NOS1AP: variants seen among roughly 807,000 people sequenced by gnomAD.
NOS1AP encodes carboxyl-terminal PDZ ligand of neuronal nitric oxide synthase protein.
Under a neutral mutation model 56.2 loss-of-function variants are expected in NOS1AP, and 21 were observed. The observed-to-expected ratio is 0.37, with a 90% CI of 0.26 to 0.54. The LOEUF is 0.54. Among genes scored for constraint, NOS1AP ranks in the 20% least tolerant of loss-of-function variants. The pLI is 0.84. For missense variants in NOS1AP, 522 were observed against 657.8 expected (o/e 0.79, Z 2.26); for synonymous variants, 270 against 274.6 (o/e 0.98, Z 0.17).
intron 4 of NOS1AP, among the ~76,000 whole-genome samples, chr1:162,301,055 C>G (rs1655636006): frequency 6.6e-6 from 1 of 152,224 alleles, no homozygotes; most frequent in African/African-American, 2.4e-5. Context: ...ATTCCATCAC[C>G]CTATGCTAAC....
At chr1:162,308,188 T>G (rs967421456) in intron 4 of NOS1AP, among the ~76,000 whole-genome samples, 2 of 152,208 alleles carry the variant, frequency 1.3e-5, no homozygotes, top group Non-Finnish European at 2.9e-5. Context: ...GTAGAAGATA[T>G]GATTACAGCT....
chr1:162,081,141 C>G (rs1558090168), intron 1 of NOS1AP, among the ~76,000 whole-genome samples: 1 of 152,162 alleles, frequency 6.6e-6, no homozygotes, highest in South Asian at 2.1e-4. Context: ...CATGTATTAA[C>G]TAATTTAATC....
chr1:162,298,619 A>C (rs1030708963), intron 3 of NOS1AP, among the ~76,000 whole-genome samples: 1 of 152,268 alleles, frequency 6.6e-6, no homozygotes, highest in Non-Finnish European at 1.5e-5. Flanking sequence ...CTAGAGTCTT[A>C]CAATACTCAA....
rs569867937 is a variant in NOS1AP at position 162,188,073 on chromosome 1, A to G, written c.177+33597A>G. Among the ~76,000 whole-genome samples, 20 of 152,346 alleles carry G rather than the reference A, an allele frequency of 1.3e-4. No homozygotes were observed. In the South Asian group the frequency reaches 4.1e-3, roughly 32 times the overall value. ...GGAAAACTAGCAGCAGCCCAAAGCC[A>G]AAACCAGTTTAATTACCCATTGACT... On this transcript the variant is annotated intron_variant, in intron 2 of 9. Coordinates refer to ENST00000361897, the MANE Select transcript of NOS1AP (RefSeq NM_014697.3). The surrounding 1 kb of genome is among the most constrained non-coding windows in gnomAD (Gnocchi z 4.0).
intron 2 of NOS1AP, among the ~76,000 whole-genome samples, chr1:162,189,280 T>A (rs1651543615): frequency 6.6e-6 from 1 of 152,192 alleles, no homozygotes; most frequent in Non-Finnish European, 1.5e-5. Context: ...CCAAAATGTG[T>A]TCCTGTCTAG....
intron 2 of NOS1AP, among the ~76,000 whole-genome samples, chr1:162,223,781 C>G (rs1652857780): frequency 6.6e-6 from 1 of 152,010 alleles, no homozygotes. Context: ...TACCTGCTAC[C>G]CATAATGGCA....
chr1:162,087,943 T>C (rs1009190684), intron 1 of NOS1AP, among the ~76,000 whole-genome samples: 1 of 152,222 alleles, frequency 6.6e-6, no homozygotes, highest in Non-Finnish European at 1.5e-5. Flanking sequence ...ATTTGTCTTA[T>C]GTTCTCAAAT....
At chr1:162,203,920 C>T (rs939960846) in intron 2 of NOS1AP, among the ~76,000 whole-genome samples, 3 of 152,180 alleles carry the variant, frequency 2.0e-5, no homozygotes, top group Admixed American at 6.5e-5. Flanking sequence ...ATCTGAAGTT[C>T]AAGAAATGCA....
chr1:162,349,090 G>A (rs1571236482), intron 6 of NOS1AP, among the ~76,000 whole-genome samples: 2 of 152,092 alleles, frequency 1.3e-5, no homozygotes, highest in Non-Finnish European at 2.9e-5. Context: ...GGGAGGCTGA[G>A]GTAGGAGAAT....
At chr1:162,171,915 G>A (rs1222428716) in intron 2 of NOS1AP, among the ~76,000 whole-genome samples, 1 of 152,012 alleles carries the variant, frequency 6.6e-6, no homozygotes, top group African/African-American at 2.4e-5. Context: ...CCCTTTTTAG[G>A]CCATATATTT....
At chr1:162,314,773 CCA>C (rs748749481) in intron 4 of NOS1AP, among the ~76,000 whole-genome samples, 12 of 152,216 alleles carry the variant, frequency 7.9e-5, no homozygotes, top group Non-Finnish European at 1.3e-4. Context: ...TTCATGTACC[CCA>C]GAGTCCTGCA....
chr1:162,081,751 T>TAG (rs1570993804), intron 1 of NOS1AP, among the ~76,000 whole-genome samples: 2 of 59,338 alleles, frequency 3.4e-5, no homozygotes, highest in East Asian at 7.4e-4. Flanking sequence ...TATCTATATC[T>TAG]ATAGATATAT....
intron 7 of NOS1AP, among the ~76,000 whole-genome samples, chr1:162,355,831 G>A (rs905307115): frequency 4.6e-5 from 7 of 152,196 alleles, no homozygotes; most frequent in African/African-American, 7.2e-5. Flanking sequence ...GTCAGAAACT[G>A]AGAGACCACC....
At chr1:162,167,143 AGGTTTAT>A (rs996643448) in intron 2 of NOS1AP, among the ~76,000 whole-genome samples, 6 of 152,174 alleles carry the variant, frequency 3.9e-5, no homozygotes, top group African/African-American at 1.4e-4. Flanking sequence ...AACCGCACGA[AGGTTTAT>A]GGTGGAAATG....
chr1:162,365,879 A>C (rs984695413), intron 9 of NOS1AP, among the ~76,000 whole-genome samples: 1 of 152,042 alleles, frequency 6.6e-6, no homozygotes, highest in Non-Finnish European at 1.5e-5. Flanking sequence ...AGGGCAGCCC[A>C]TTTCTTTCTC....
At chr1:162,241,924 A>T (rs769536806) in intron 2 of NOS1AP, among the ~76,000 whole-genome samples, 1 of 152,194 alleles carries the variant, frequency 6.6e-6, no homozygotes, top group Non-Finnish European at 1.5e-5. Flanking sequence ...AAATCATCTC[A>T]TTCATCTCTA....
intron 2 of NOS1AP, among the ~76,000 whole-genome samples, chr1:162,250,044 G>A (rs1653798780): frequency 1.3e-5 from 2 of 152,220 alleles, no homozygotes; most frequent in East Asian, 3.9e-4. Context: ...CCCATGCCCT[G>A]TCTGTTCCCT....
At chr1:162,340,026 C>T (rs894672024) in intron 5 of NOS1AP, among the ~76,000 whole-genome samples, 2 of 152,160 alleles carry the variant, frequency 1.3e-5, no homozygotes, top group Non-Finnish European at 2.9e-5. Context: ...CTGTTTAGCC[C>T]CTTCTGACTC....
At chr1:162,299,282 G>C (rs773217194) in intron 3 of NOS1AP, among the ~76,000 whole-genome samples, 2 of 145,226 alleles carry the variant, frequency 1.4e-5, no homozygotes, top group Non-Finnish European at 3.2e-5. Flanking sequence ...TCTCTATGTG[G>C]CTGGAACATT....
Sources: allele counts gnomAD v4.1 joint callset (sites outside exome capture counted in the v4.1 genomes callset), GRCh38; gene constraint gnomAD v4.1.1; non-coding constraint Gnocchi (gnomAD v3.1); transcripts MANE v1.5; gene names NCBI Gene and HGNC (gene_info 2026-07-23, HGNC 2026-07-21).